The following ACER3 variants were observed in gnomAD, a reference collection of about 807,000 sequenced individuals.
The protein encoded by ACER3 is alkCDase 3.
Under a neutral mutation model 48.9 loss-of-function variants are expected in ACER3, and 16 were observed. The observed-to-expected ratio is 0.33, with a 90% CI of 0.22 to 0.50. The LOEUF is 0.50. Ranked by LOEUF, ACER3 falls within the 20% of genes least tolerant of loss-of-function variation. ACER3 has a pLI of 0.98. For missense variants in ACER3, 227 were observed against 326.0 expected, an observed-to-expected ratio of 0.70 and a Z score of 2.34; for synonymous variants, 109 against 107.8, an observed-to-expected ratio of 1.01 and a Z score of -0.07.
At chr11:76,966,739 A>C (rs929061114) in intron 3 of ACER3, among the ~76,000 whole-genome samples, 4 of 150,336 alleles carry the variant, frequency 2.7e-5, no homozygotes, top group African/African-American at 7.5e-5. Flanking sequence ...GGCAGAAATA[A>C]AGATGTTCTT....
intron 2 of ACER3, among the ~76,000 whole-genome samples, chr11:76,941,052 C>T (rs1355062946): frequency 2.6e-5 from 4 of 151,024 alleles, no homozygotes; most frequent in African/African-American, 4.9e-5. Context: ...CACACACACA[C>T]GCACACAGAA....
intron 3 of ACER3, among the ~76,000 whole-genome samples, chr11:76,974,627 G>GA (rs1449639737): frequency 6.6e-6 from 1 of 152,164 alleles, no homozygotes; most frequent in Non-Finnish European, 1.5e-5. Context: ...GAGGGACTAG[G>GA]GGAAGAGGAG....
chr11:77,019,841 G>A (rs1354932151), intron 10 of ACER3, 65 bp downstream of exon 10: 19 of 1,538,772 alleles, frequency 1.2e-5, no homozygotes, highest in Non-Finnish European at 1.6e-5. Flanking sequence ...TAGGATGGAG[G>A]TGGAAGAAGA....
At chr11:76,984,565 A>G (rs1948648431) in intron 4 of ACER3, among the ~76,000 whole-genome samples, 1 of 152,120 alleles carries the variant, frequency 6.6e-6, no homozygotes, top group African/African-American at 2.4e-5. Flanking sequence ...TGGATTGGAT[A>G]CTCACTGATG....
At chr11:76,881,657 A>G (rs1229275928) in intron 1 of ACER3, among the ~76,000 whole-genome samples, 1 of 152,184 alleles carries the variant, frequency 6.6e-6, no homozygotes, top group African/African-American at 2.4e-5. Context: ...TATGTATTAC[A>G]TTTATGTTAT....
chr11:77,001,563 T>C (rs1421378304), intron 7 of ACER3, among the ~76,000 whole-genome samples: 3 of 152,092 alleles, frequency 2.0e-5, no homozygotes, highest in Non-Finnish European at 2.9e-5. Context: ...GCCCTGTAGA[T>C]TTGTTTTTAA....
intron 1 of ACER3, among the ~76,000 whole-genome samples, chr11:76,888,310 A>T (rs1054377951): frequency 1.3e-5 from 2 of 152,242 alleles, no homozygotes; most frequent in African/African-American, 4.8e-5. Context: ...TAAGCTATAT[A>T]TTGAATGTAT....
intron 3 of ACER3, among the ~76,000 whole-genome samples, chr11:76,963,677 A>G (rs1157572863): frequency 6.6e-6 from 1 of 151,398 alleles, no homozygotes; most frequent in African/African-American, 2.5e-5. Flanking sequence ...GTCATGTGAA[A>G]TTGCTGCCTG....
At chr11:76,862,726 A>G (rs1404224862) in intron 1 of ACER3, among the ~76,000 whole-genome samples, 1 of 152,210 alleles carries the variant, frequency 6.6e-6, no homozygotes, top group Non-Finnish European at 1.5e-5. Flanking sequence ...GTTTGCTTCA[A>G]TATAAGGAAA....
intron 2 of ACER3, among the ~76,000 whole-genome samples, chr11:76,928,105 C>T (rs938105717): frequency 1.3e-5 from 2 of 152,196 alleles, no homozygotes; most frequent in African/African-American, 4.8e-5. Context: ...TATTTCTCCA[C>T]ATCCTCTCCA....
At chr11:76,929,276 G>A (rs1946925978) in intron 2 of ACER3, among the ~76,000 whole-genome samples, 1 of 152,130 alleles carries the variant, frequency 6.6e-6, no homozygotes, top group Non-Finnish European at 1.5e-5. Context: ...TGTTATTAGT[G>A]TATAAGAATG....
chr11:76,868,077 C>G, intron 1 of ACER3: 2 of 1,286,074 alleles, frequency 1.6e-6, no homozygotes, highest in South Asian at 2.5e-5. Flanking sequence ...CATTTGACTG[C>G]TTGTAGCCCT....
chr11:76,969,194 A>T (rs1163026939), intron 3 of ACER3, among the ~76,000 whole-genome samples: 1 of 152,234 alleles, frequency 6.6e-6, no homozygotes, highest in East Asian at 1.9e-4. Context: ...ACATGAAAAA[A>T]TGCTCATCGT....
intron 2 of ACER3, among the ~76,000 whole-genome samples, chr11:76,952,668 C>G (rs374522272): frequency 1.5e-5 from 2 of 132,998 alleles, no homozygotes; most frequent in South Asian, 4.7e-4. Flanking sequence ...CGTAAGATTT[C>G]TTTTTTTTTT....
chr11:76,901,894 C>A (rs1486588755), intron 1 of ACER3, among the ~76,000 whole-genome samples: 1 of 152,048 alleles, frequency 6.6e-6, no homozygotes, highest in Non-Finnish European at 1.5e-5. Context: ...TCATTTCTGC[C>A]TTTTAGTTTT....
chr11:76,884,179 C>T (rs1945612851), intron 1 of ACER3, among the ~76,000 whole-genome samples: 1 of 152,188 alleles, frequency 6.6e-6, no homozygotes, highest in Non-Finnish European at 1.5e-5. Context: ...CGGCGGTAGA[C>T]TCAAAGATTC....
At chr11:77,004,923 AATT>A (rs1949101953) in intron 7 of ACER3, among the ~76,000 whole-genome samples, 1 of 152,088 alleles carries the variant, frequency 6.6e-6, no homozygotes, top group Admixed American at 6.5e-5. Context: ...ATATGAATAC[AATT>A]ATTAATATAT....
At chr11:77,008,657 T>G (rs1423768390) in intron 7 of ACER3, among the ~76,000 whole-genome samples, 1 of 152,202 alleles carries the variant, frequency 6.6e-6, no homozygotes, top group Non-Finnish European at 1.5e-5. Flanking sequence ...TTTTGTTACT[T>G]TTGTCTGATG....
intron 6 of ACER3, among the ~76,000 whole-genome samples, chr11:76,997,397 T>C (rs1325268104): frequency 6.6e-6 from 1 of 152,220 alleles, no homozygotes; most frequent in Admixed American, 6.5e-5. Flanking sequence ...TAGATTGTGA[T>C]TGCTGTGAGT....
Sources: allele counts gnomAD v4.1 joint callset (sites outside exome capture counted in the v4.1 genomes callset), GRCh38; gene constraint gnomAD v4.1.1; transcripts MANE v1.5; gene names NCBI Gene and HGNC (gene_info 2026-07-23, HGNC 2026-07-21).